The following TPO variants were observed in gnomAD, a reference collection of about 807,000 sequenced individuals.
TPO encodes thyroid peroxidase, also known as thyroid microsomal antigen.
A neutral mutation model predicts 96.9 loss-of-function variants in TPO; 78 were observed. The observed-to-expected ratio is 0.81, with a 90% CI of 0.67 to 0.97. TPO has a LOEUF of 0.97. Among genes scored for constraint, TPO ranks in the 50% least tolerant of loss-of-function variants. The pLI is 0.00. For synonymous variants in TPO, 547 were observed against 538.0 expected, an observed-to-expected ratio of 1.02 and a Z score of -0.23; for missense variants, 1,252 against 1,274.8, an observed-to-expected ratio of 0.98 and a Z score of 0.27.
Position 1,448,133 on chromosome 2 carries a change from C to T in TPO, c.483-5561C>T, listed in dbSNP as rs536897979. ...GCCGGGATTGGAGGCAGGGGCTGCT[C>T]CTGCCTCCAGAGGTTTCCAGGAGAC... is the stretch of plus-strand genomic sequence containing the variant. On this transcript the variant is annotated intron_variant, in intron 5 of 16. Coordinates refer to ENST00000329066, the MANE Select transcript of TPO (RefSeq NM_001206744.2). 1.5e-3 allele frequency among the ~76,000 whole-genome samples: 221 copies of T among 152,282 alleles called. 2 individuals carry two copies. The highest frequency in any genetic ancestry group is 4.6e-3 in the African/African-American group (191 of 41,568).
intron 14 of TPO, among the ~76,000 whole-genome samples, chr2:1,511,517 G>A (rs4927591): frequency 0.97 from 73,775 of 76,184 alleles, 35,809 homozygotes; most frequent in East Asian, 1. Context: ...GTGCCACAGC[G>A]CAGCCCTGCA....
At chr2:1,500,778 A>G (rs1338674343) in intron 13 of TPO, among the ~76,000 whole-genome samples, 1 of 152,150 alleles carries the variant, frequency 6.6e-6, no homozygotes, top group African/African-American at 2.4e-5. Context: ...CAGCCTGGCC[A>G]AGATGGTGAA....
intron 1 of TPO, among the ~76,000 whole-genome samples, chr2:1,380,865 T>A (rs549103961): frequency 1.3e-5 from 2 of 152,296 alleles, no homozygotes; most frequent in South Asian, 4.1e-4. Flanking sequence ...TCTGCTTCTA[T>A]GGAGGCCTCA....
intron 3 of TPO, among the ~76,000 whole-genome samples, chr2:1,432,644 C>T (rs1393143822): frequency 2.0e-5 from 2 of 98,268 alleles, no homozygotes; most frequent in Admixed American, 2.2e-4. Context: ...GGGAGGCCTG[C>T]AGGTGAGGAG....
At chr2:1,431,191 C>T (rs534201002) in intron 3 of TPO, among the ~76,000 whole-genome samples, 40 of 152,254 alleles carry the variant, frequency 2.6e-4, no homozygotes, top group South Asian at 2.1e-3. Flanking sequence ...TTAGCCCCAT[C>T]CTCTTGGTGA....
intron 15 of TPO, among the ~76,000 whole-genome samples, chr2:1,534,799 T>C: frequency 7.5e-6 from 1 of 132,664 alleles, no homozygotes; most frequent in Non-Finnish European, 1.6e-5. Context: ...GTGGGTAACC[T>C]CCCCAAATCC....
At chr2:1,420,214 C>T (rs901016036) in intron 2 of TPO, among the ~76,000 whole-genome samples, 2 of 152,098 alleles carry the variant, frequency 1.3e-5, no homozygotes, top group Non-Finnish European at 2.9e-5. Flanking sequence ...ACTTGAATAA[C>T]AATATATTAA....
At position 1,422,908 on chromosome 2, in the gene TPO, C is replaced by G; in HGVS notation, c.95-137C>G. ...GAAGGCCTGTGGAGGGAAGCGACCC[C>G]GGGACCTGGCTGCCTGCCTGTCCCG... On this transcript the variant is annotated intron_variant, in intron 2 of 16. Transcript: ENST00000329066. 3.4e-6 allele frequency: 3 copies of G among 880,060 alleles called. No individual in the cohort carries two copies. The South Asian group carries it at 4.2e-5, about 12-fold the overall frequency. 54.5% of individuals were successfully genotyped at this position (880,060 alleles called of 1,614,324 possible).
intron 1 of TPO, among the ~76,000 whole-genome samples, chr2:1,390,124 C>G (rs1661977881): frequency 6.6e-6 from 1 of 151,214 alleles, no homozygotes; most frequent in Middle Eastern, 3.2e-3. Context: ...CACCTATCAA[C>G]TCGTTATTTA....
At chr2:1,503,317 T>C (rs376706737) in intron 13 of TPO, among the ~76,000 whole-genome samples, 4 of 152,334 alleles carry the variant, frequency 2.6e-5, no homozygotes, top group South Asian at 2.1e-4. Flanking sequence ...ATTTAGAGAA[T>C]GCGCACTGGG....
intron 1 of TPO, among the ~76,000 whole-genome samples, chr2:1,387,220 G>A (rs1558243325): frequency 2.0e-5 from 3 of 152,128 alleles, no homozygotes; most frequent in Non-Finnish European, 4.4e-5. Context: ...GAGTATCTTT[G>A]TGGTATTCTC....
chr2:1,527,234 C>A, intron 15 of TPO, among the ~76,000 whole-genome samples: 1 of 143,046 alleles, frequency 7.0e-6, no homozygotes, highest in Non-Finnish European at 1.5e-5. Context: ...ACTCAAATCC[C>A]CCCACTGTGT....
intron 1 of TPO, among the ~76,000 whole-genome samples, chr2:1,382,307 C>G (rs1661822938): frequency 6.6e-6 from 1 of 152,114 alleles, no homozygotes; most frequent in Non-Finnish European, 1.5e-5. Context: ...CACAGTTGCT[C>G]TTTTCCAAGA....
chr2:1,405,589 A>T (rs1231602793), intron 1 of TPO, among the ~76,000 whole-genome samples: 2 of 150,808 alleles, frequency 1.3e-5, no homozygotes, highest in African/African-American at 4.9e-5. Flanking sequence ...CCGACCTTTT[A>T]TCTCCCCCAG....
chr2:1,530,090 C>T (rs1306053922), intron 15 of TPO, among the ~76,000 whole-genome samples: 2 of 142,594 alleles, frequency 1.4e-5, no homozygotes, highest in African/African-American at 5.4e-5. Flanking sequence ...TCCTCAAATC[C>T]CCCCACTGTT....
intron 1 of TPO, among the ~76,000 whole-genome samples, chr2:1,374,725 CTTTTTT>C (rs11292664): frequency 2.2e-5 from 3 of 136,794 alleles, no homozygotes; most frequent in East Asian, 2.1e-4. Flanking sequence ...TTCTTTCTTT[CTTTTTT>C]TTTTTTTTTT....
At chr2:1,385,062 C>T (rs1183195112) in intron 1 of TPO, among the ~76,000 whole-genome samples, 3 of 152,048 alleles carry the variant, frequency 2.0e-5, no homozygotes, top group African/African-American at 7.2e-5. Flanking sequence ...GGGATGAAGC[C>T]CATTTGATCA....
chr2:1,487,550 C>T (rs534603939), intron 9 of TPO, among the ~76,000 whole-genome samples: 4 of 152,162 alleles, frequency 2.6e-5, no homozygotes, highest in East Asian at 1.9e-4. Context: ...CTGGCTAACA[C>T]GGTGAAACCC....
At chr2:1,491,957 A>G (rs1004132379) in intron 10 of TPO, among the ~76,000 whole-genome samples, 7 of 152,172 alleles carry the variant, frequency 4.6e-5, no homozygotes, top group Admixed American at 2.6e-4. Flanking sequence ...GAGGCAGCGC[A>G]GCTTCTCACG....
Sources: allele counts gnomAD v4.1 joint callset (sites outside exome capture counted in the v4.1 genomes callset), GRCh38; gene constraint gnomAD v4.1.1; transcripts MANE v1.5; gene names NCBI Gene and HGNC (gene_info 2026-07-23, HGNC 2026-07-21).